PCDHGA12: variants seen among roughly 807,000 people sequenced by gnomAD.
PCDHGA12 encodes the protein protocadherin gamma-A12.
A neutral mutation model predicts 61.1 loss-of-function variants in PCDHGA12; 43 were observed. The observed-to-expected ratio is 0.70, with a 90% confidence interval of 0.55 to 0.91. The LOEUF (loss-of-function observed/expected upper bound fraction) is 0.91. Ranked by LOEUF, PCDHGA12 falls within the 40% of genes least tolerant of loss-of-function variation. The probability of loss-of-function intolerance (pLI) is 0.00; values close to 1 mark genes in which losing one functional copy is unlikely to be tolerated. For missense variants in PCDHGA12, 1,236 were observed against 1,227.7 expected (o/e 1.01, Z -0.10); for synonymous variants, 520 against 542.9 (o/e 0.96, Z 0.59).
chr5:141,469,155 A>C (rs1342352040), intron 1 of PCDHGA12, among the ~76,000 whole-genome samples: 3 of 152,108 alleles, frequency 2.0e-5, no homozygotes, highest in Admixed American at 1.3e-4. Context: ...ACATGTCTGT[A>C]GTCCCAGCTA....
intron 1 of PCDHGA12, among the ~76,000 whole-genome samples, chr5:141,461,980 C>G (rs759291534): frequency 9.2e-5 from 14 of 152,176 alleles, no homozygotes; most frequent in Non-Finnish European, 1.5e-4. Flanking sequence ...TATGCCACCA[C>G]GCCAGGCTAA....
chr5:141,444,545 C>G (rs1346405150), intron 1 of PCDHGA12, among the ~76,000 whole-genome samples: 1 of 152,042 alleles, frequency 6.6e-6, no homozygotes, highest in Non-Finnish European at 1.5e-5. Context: ...GTCTAGTGAG[C>G]AAAAGGCACT....
rs768132114 is a variant in PCDHGA12 at position 141,489,845 on chromosome 5, G to A, written c.2425-4962G>A. 5 of 1,614,188 alleles carry A rather than the reference G, an allele frequency of 3.1e-6. No homozygotes were observed. The highest frequency in any genetic ancestry group is 2.2e-5 in the South Asian group (2 of 91,088). On this transcript the variant is annotated intron_variant, in intron 1 of 3. Transcript: ENST00000252085. This position sits in a 1 kb window ranked among gnomAD's most constrained non-coding sequence, Gnocchi z 4.5. ...CTGGTGCTAGAGCAGCAGCTGGATC[G>A]TGAAGCCCAGGCAAGACATCAGCTG...
At chr5:141,472,980 C>CAAAAAAAAAAAA (rs60579131) in intron 1 of PCDHGA12, among the ~76,000 whole-genome samples, 2 of 86,098 alleles carry the variant, frequency 2.3e-5, no homozygotes, top group African/African-American at 3.9e-5. Context: ...GAGTGAAACT[C>CAAAAAAAAAAAA]AAAAAAAAAA....
intron 2 of PCDHGA12, among the ~76,000 whole-genome samples, chr5:141,495,250 A>G (rs557893500): frequency 6.6e-6 from 1 of 152,188 alleles, no homozygotes; most frequent in Non-Finnish European, 1.5e-5. Context: ...CCTGGGGCTC[A>G]GGCAGAAAAG....
intron 2 of PCDHGA12, among the ~76,000 whole-genome samples, chr5:141,495,430 C>A (rs1189953474): frequency 6.6e-6 from 1 of 152,220 alleles, no homozygotes; most frequent in Non-Finnish European, 1.5e-5. Context: ...TCCCACTGTC[C>A]TCTGCCCCTA....
At chr5:141,441,775 A>G (rs1005757857) in intron 1 of PCDHGA12, 27 of 388,638 alleles carry the variant, frequency 6.9e-5, no homozygotes, top group Admixed American at 5.4e-4. Context: ...GTGTTGGTGG[A>G]CGACCTGAAT....
chr5:141,483,007 C>G (rs938404755), intron 1 of PCDHGA12, among the ~76,000 whole-genome samples: 1 of 152,140 alleles, frequency 6.6e-6, no homozygotes, highest in South Asian at 2.1e-4. Flanking sequence ...ATTGCTTGAA[C>G]CCGGGAGGCA....
intron 3 of PCDHGA12, among the ~76,000 whole-genome samples, chr5:141,510,089 C>G (rs2099879446): frequency 6.6e-6 from 1 of 152,136 alleles, no homozygotes; most frequent in African/African-American, 2.4e-5. Flanking sequence ...GCCTGGCACA[C>G]AGTAGGTGCT....
rs2099697598 is a variant in PCDHGA12 at position 141,490,236 on chromosome 5, C to T, written c.2425-4571C>T. On this transcript the variant is annotated intron_variant, in intron 1 of 3. Coordinates refer to ENST00000252085, the MANE Select transcript of PCDHGA12 (RefSeq NM_003735.3). This position sits in a 1 kb window ranked among gnomAD's most constrained non-coding sequence, Gnocchi z 5.4. ...ACCAGGGACAGCCTGCCATGGAGGG[C>T]CACTGTGTGATTCAAGTGGATGTGG... is the stretch of plus-strand genomic sequence containing the variant. 1 of 1,614,078 alleles carries T rather than the reference C, an allele frequency of 6.2e-7. No homozygotes were observed. The highest frequency in any genetic ancestry group is 1.1e-5 in the South Asian group (1 of 91,088).
chr5:141,496,554 G>T (rs2099769470), intron 2 of PCDHGA12, among the ~76,000 whole-genome samples: 1 of 152,160 alleles, frequency 6.6e-6, no homozygotes, highest in Non-Finnish European at 1.5e-5. Context: ...TTCTGGGCAT[G>T]CACAGTCCTG....
intron 1 of PCDHGA12, chr5:141,441,872 G>T: frequency 2.9e-6 from 1 of 341,646 alleles, no homozygotes. Flanking sequence ...GCGGAGCCTG[G>T]CTACCTGGTC....
In PCDHGA12 at chr5:141,431,771, C is replaced by G. The variant is rs1175712662; in HGVS notation, c.1012C>G (p.Leu338Val). 1.2e-6 allele frequency: 2 copies of G among 1,614,214 alleles called. No homozygotes were observed. Among genetic ancestry groups the G allele is most frequent in the Non-Finnish European group, 8.5e-7 (1 of 1,180,034 alleles). The stretch of plus-strand genomic sequence containing the variant: ...GCGAGCCAAAGTCCTGATCACTGTT[C>G]TGGACGTGAACGACAATGCCCCAGA... ...SARAKVLITVLDVNDNAPEVV... is the reference protein window; with the variant it reads ...SARAKVLITVVDVNDNAPEVV... Residue 338 changes from leucine to valine, a missense_variant, in exon 1 of 4, where the codon CTG (leucine) becomes GTG (valine). Coordinates refer to ENST00000252085, the MANE Select transcript of PCDHGA12 (RefSeq NM_003735.3). The surrounding 1 kb of genome is among the most constrained non-coding windows in gnomAD (Gnocchi z 4.8).
intron 3 of PCDHGA12, among the ~76,000 whole-genome samples, chr5:141,509,015 C>T (rs1370464396): frequency 6.6e-6 from 1 of 152,098 alleles, no homozygotes; most frequent in East Asian, 1.9e-4. Flanking sequence ...AAGTGGGCAG[C>T]TGCTCCCTCC....
intron 1 of PCDHGA12, among the ~76,000 whole-genome samples, chr5:141,433,974 C>A (rs1045247496): frequency 6.6e-6 from 1 of 152,026 alleles, no homozygotes; most frequent in Non-Finnish European, 1.5e-5. Context: ...GGCTTTCTAC[C>A]TTGAAGAAGA....
At chr5:141,492,933 A>G (rs935580560) in intron 1 of PCDHGA12, among the ~76,000 whole-genome samples, 3 of 152,194 alleles carry the variant, frequency 2.0e-5, no homozygotes, top group Admixed American at 6.5e-5. Flanking sequence ...CTAGGGTCAG[A>G]GATTTGGAGG....
At position 141,511,940 on chromosome 5, in the gene PCDHGA12, G is replaced by A. The variant is rs2099884015; in HGVS notation, c.*767G>A. 1 of 154,118 alleles carries A rather than the reference G, an allele frequency of 6.5e-6. No homozygotes were observed. The highest frequency in any genetic ancestry group is 1.9e-4 in the East Asian group (1 of 5,214). 9.5% of individuals were successfully genotyped at this position (154,118 alleles called of 1,614,324 possible). ...TCCACTGCATGTTCCAAGACAGTAT[G>A]GGGTGGTAAGATAAGGAAGGGAAGT... On this transcript the variant is annotated 3_prime_UTR_variant, in exon 4 of 4. Coordinates refer to ENST00000252085, the MANE Select transcript of PCDHGA12 (RefSeq NM_003735.3).
Position 141,431,939 on chromosome 5 carries a change from T to A in PCDHGA12, c.1180T>A (p.Leu394Ile), listed in dbSNP as rs1377573207. The A allele has an allele frequency of 2.2e-5, 35 of 1,613,996 alleles. No individual in the cohort carries two copies. The highest frequency in any genetic ancestry group is 2.9e-5 in the Non-Finnish European group (34 of 1,180,000). Residue 394 changes from leucine to isoleucine, a missense_variant, in exon 1 of 4, where the codon TTA becomes ATA. Leu to Ile is a conservative substitution (Grantham distance 5). Coordinates refer to ENST00000252085, the MANE Select transcript of PCDHGA12 (RefSeq NM_003735.3). This position sits in a 1 kb window ranked among gnomAD's most constrained non-coding sequence, Gnocchi z 4.8. ...CATCCAAGGAAATCTGCCCTTTAAA[T>A]TAGAAAAATCTTACGGAAATTACTA... ...CFIQGNLPFK[L>I]EKSYGNYYSL...
intron 1 of PCDHGA12, chr5:141,478,480 G>C (rs1444434721): frequency 1.9e-6 from 3 of 1,613,564 alleles, no homozygotes; most frequent in South Asian, 2.2e-5. Flanking sequence ...GCCAGAACAC[G>C]CTGCGGAGCT....
Sources: allele counts gnomAD v4.1 joint callset (sites outside exome capture counted in the v4.1 genomes callset), GRCh38; gene constraint gnomAD v4.1.1; non-coding constraint Gnocchi (gnomAD v3.1); transcripts MANE v1.5; gene names NCBI Gene and HGNC (gene_info 2026-07-23, HGNC 2026-07-21).